Variants in MUSK observed in about 807,000 individuals in gnomAD.
The protein encoded by MUSK is muscle associated receptor tyrosine kinase.
A neutral mutation model predicts 88.7 loss-of-function variants in MUSK; 55 were observed. That is an observed-to-expected ratio of 0.62 (90% confidence interval 0.50 to 0.78). MUSK has a LOEUF of 0.78. Ranked by LOEUF, MUSK falls within the 30% of genes least tolerant of loss-of-function variation. The probability of loss-of-function intolerance (pLI) is 0.00; values close to 1 mark genes in which losing one functional copy is unlikely to be tolerated. For missense variants in MUSK, 1,015 were observed against 1,074.3 expected (o/e 0.94, Z 0.77); for synonymous variants, 387 against 391.9 (o/e 0.99, Z 0.15).
chr9:110,756,857 CTGTG>C (rs1160636741), intron 7 of MUSK, among the ~76,000 whole-genome samples: 2 of 124,560 alleles, frequency 1.6e-5, no homozygotes, highest in South Asian at 2.5e-4. Context: ...GTGTGTGTGT[CTGTG>C]TATGTTTACA....
At position 110,784,830 on chromosome 9, in the gene MUSK, C is replaced by T. The variant is rs777107917; in HGVS notation, c.1400C>T (p.Thr467Met). 9.9e-6 allele frequency: 16 copies of T among 1,610,632 alleles called. No individual in the cohort carries two copies. The highest frequency in any genetic ancestry group is 2.7e-5 in the African/African-American group (2 of 74,870). ...KENLKTFPPM[T>M]SSKPSVDIPN... ...TTACTTACAGCATTCCCACCAATGA[C>T]GTCCTCAAAGCCAAGTGTGGACATT... Residue 467 changes from threonine (T) to methionine (M), a missense_variant, in exon 12 of 15, where the codon ACG becomes ATG. Physicochemically the swap from Thr to Met is moderately conservative, Grantham distance 81. Coordinates refer to ENST00000374448, the MANE Select transcript of MUSK (RefSeq NM_005592.4).
rs1214195554 is a variant in MUSK at position 110,784,822 on chromosome 9, AC to A, written c.1394del (p.Pro465GlnfsTer2). 6.2e-7 allele frequency: 1 copy of A among 1,609,068 alleles called. No homozygotes were observed. Among genetic ancestry groups the A allele is most frequent in the East Asian group, 2.2e-5 (1 of 44,784 alleles). On this transcript the variant is annotated frameshift_variant, in exon 12 of 15. Transcript: ENST00000374448. LOFTEE classifies it high-confidence loss of function. ...ATTATTCTTTACTTACAGCATTCCC[AC>A]CAATGACGTCCTCAAAGCCAAGTGT... Reference protein sequence around the residue: ...YNKENLKTFPPMTSSKPSVDI... With the variant: ...YNKENLKTFPXMTSSKPSVDI...
chr9:110,769,611 C>A (rs924522172), intron 9 of MUSK, among the ~76,000 whole-genome samples: 1 of 152,152 alleles, frequency 6.6e-6, no homozygotes, highest in African/African-American at 2.4e-5. Context: ...TTAATTATCA[C>A]TTCTTTAGTT....
intron 6 of MUSK, among the ~76,000 whole-genome samples, chr9:110,746,808 A>T (rs1316485721): frequency 6.6e-6 from 1 of 152,096 alleles, no homozygotes. Context: ...TTGAGGTATT[A>T]TGTATGTATT....
chr9:110,750,371 A>C (rs1054666231), intron 7 of MUSK, among the ~76,000 whole-genome samples: 3 of 151,814 alleles, frequency 2.0e-5, no homozygotes, highest in Admixed American at 2.0e-4. Context: ...TAACCCCCGG[A>C]TCTCTAGTGA....
At chr9:110,697,283 G>C (rs774830039) in intron 4 of MUSK, 42 bp from the exon 5 acceptor site, 7 of 1,605,342 alleles carry the variant, frequency 4.4e-6, no homozygotes, top group African/African-American at 1.3e-5. Context: ...ATCCTTGATA[G>C]ACCCATAAAC....
At chr9:110,755,953 C>CATATATATATATACATAT (rs1554750825) in intron 7 of MUSK, among the ~76,000 whole-genome samples, 4 of 70,682 alleles carry the variant, frequency 5.7e-5, no homozygotes, top group Non-Finnish European at 1.1e-4. Flanking sequence ...TATATATACA[C>CATATATATATATACATAT]ATATATATAT....
intron 5 of MUSK, among the ~76,000 whole-genome samples, chr9:110,722,956 A>G (rs747978671): frequency 1.1e-4 from 17 of 152,120 alleles, no homozygotes; most frequent in Non-Finnish European, 2.2e-4. Context: ...TACAACCACT[A>G]TGGAAAACAG....
chr9:110,767,532 T>C (rs537787027), intron 8 of MUSK, among the ~76,000 whole-genome samples: 19 of 152,304 alleles, frequency 1.2e-4, no homozygotes, highest in Admixed American at 1.1e-3. Context: ...CTATTTATAA[T>C]GTAAAATATT....
chr9:110,791,235 C>T (rs922456307), intron 14 of MUSK, among the ~76,000 whole-genome samples: 3 of 145,198 alleles, frequency 2.1e-5, no homozygotes, highest in Non-Finnish European at 4.5e-5. Context: ...AGACAGTGGG[C>T]GCAGGCCAGT....
intron 5 of MUSK, among the ~76,000 whole-genome samples, chr9:110,717,747 T>A (rs1432990827): frequency 6.6e-6 from 1 of 151,262 alleles, no homozygotes; most frequent in African/African-American, 2.5e-5. Context: ...ATATTTTCCC[T>A]CAGTGTTGTC....
In MUSK at chr9:110,766,572, T is replaced by C. The variant is rs1564277737; in HGVS notation, c.921-1248T>C. Among the ~76,000 whole-genome samples, 3 of 152,232 alleles carry C rather than the reference T, an allele frequency of 2.0e-5. 1 individual carries two copies. In the East Asian group the frequency reaches 5.8e-4, roughly 29 times the overall value. On this transcript the variant is annotated intron_variant, in intron 8 of 14. Coordinates refer to ENST00000374448, the MANE Select transcript of MUSK (RefSeq NM_005592.4). ...GGAAGTTCATCATTTTACCTGAATG[T>C]ATTATATCTCATTCCAATGAATTTG...
chr9:110,765,274 T>C (rs1431959157), intron 8 of MUSK, among the ~76,000 whole-genome samples: 3 of 152,198 alleles, frequency 2.0e-5, no homozygotes, highest in Non-Finnish European at 4.4e-5. Flanking sequence ...TTTTTTCTGT[T>C]AAGCGTAAAG....
chr9:110,759,179 A>G (rs1337581081), intron 7 of MUSK, among the ~76,000 whole-genome samples: 1 of 152,218 alleles, frequency 6.6e-6, no homozygotes, highest in African/African-American at 2.4e-5. Flanking sequence ...ATAAAACCAC[A>G]CACTTACAAC....
At chr9:110,680,315 A>G (rs1163245929) in intron 1 of MUSK, among the ~76,000 whole-genome samples, 1 of 151,636 alleles carries the variant, frequency 6.6e-6, no homozygotes, top group Non-Finnish European at 1.5e-5. Flanking sequence ...AGAGTTTAAG[A>G]TTTTATTTAT....
At position 110,718,141 on chromosome 9, in the gene MUSK, G is replaced by A. The variant is rs530898158; in HGVS notation, c.629-16110G>A. 2.0e-5 allele frequency among the ~76,000 whole-genome samples: 3 copies of A among 152,186 alleles called. No homozygotes were observed. The East Asian group carries it at 5.8e-4, about 30-fold the overall frequency. On this transcript the variant is annotated intron_variant, in intron 5 of 14. Transcript: ENST00000374448. ...TTGGTATAAATTGATGCTGGCCAGT[G>A]CAGAGCCTCCCTTTGTCCCCATGTG...
intron 5 of MUSK, among the ~76,000 whole-genome samples, chr9:110,722,154 A>C (rs1587954086): frequency 6.6e-6 from 1 of 152,162 alleles, no homozygotes; most frequent in South Asian, 2.1e-4. Flanking sequence ...AGATAACATC[A>C]GAAAAACTCT....
chr9:110,760,416 T>C (rs1214363393), intron 7 of MUSK, among the ~76,000 whole-genome samples: 3 of 152,122 alleles, frequency 2.0e-5, no homozygotes, highest in Non-Finnish European at 4.4e-5. Flanking sequence ...TGCAGGAACA[T>C]GTATGGAACT....
chr9:110,724,547 G>GCC (rs2076857998), intron 5 of MUSK, among the ~76,000 whole-genome samples: 2 of 152,054 alleles, frequency 1.3e-5, no homozygotes, highest in South Asian at 4.1e-4. Context: ...TTGGTTTCAA[G>GCC]CAGCGAGCCT....
Sources: gnomAD v4.1 joint callset for allele counts (sites outside exome capture counted in the v4.1 genomes callset) on GRCh38, gnomAD v4.1.1 for gene constraint, MANE v1.5 for transcripts, NCBI Gene and HGNC (gene_info 2026-07-23, HGNC 2026-07-21) for gene names.